Variants in NLRP5 observed in about 807,000 individuals in gnomAD.
The protein encoded by NLRP5 is NACHT, LRR and PYD domains-containing protein 5.
NLRP5 carries 93 observed loss-of-function variants against 113.1 expected under a neutral mutation model. The observed-to-expected ratio is 0.82, with a 90% CI of 0.70 to 0.98. The LOEUF (loss-of-function observed/expected upper bound fraction) is 0.98, where lower values mean the gene tolerates loss of function less well. NLRP5 is among the 50% of genes least tolerant of loss of function. NLRP5 has a pLI of 0.00. For synonymous variants in NLRP5, 751 were observed against 600.7 expected (o/e 1.25, Z -3.66); for missense variants, 1,808 against 1,514.3 (o/e 1.19, Z -3.22).
chr19:55,994,255 T>C, the NLRP5 span, among the ~76,000 whole-genome samples: 71 of 152,368 alleles, frequency 4.7e-4, no homozygotes, highest in African/African-American at 1.7e-3. Context: ...TGGATGTCTT[T>C]TGAGAAATGT....
chr19:56,009,088 C>T (rs919736108), intron 3 of NLRP5, among the ~76,000 whole-genome samples: 5 of 151,964 alleles, frequency 3.3e-5, no homozygotes, highest in Non-Finnish European at 7.4e-5. Context: ...CCTGTAATCC[C>T]AGTACTTTGG....
At chr19:56,057,536 A>C (rs8109245) in intron 13 of NLRP5, among the ~76,000 whole-genome samples, 20,973 of 152,020 alleles carry the variant, frequency 0.14, 1,625 homozygotes, top group East Asian at 0.31. Context: ...GCATATGTCA[A>C]TATGTCCTTC....
intron 6 of NLRP5, among the ~76,000 whole-genome samples, chr19:56,024,424 TATATACACATATAC>T (rs1982744261): frequency 7.1e-6 from 1 of 141,838 alleles, no homozygotes; most frequent in Admixed American, 7.0e-5. Context: ...ATATATGTTA[TATATACACATATAC>T]ATATATTTAT....
intron 4 of NLRP5, 80 bp downstream of exon 4, chr19:56,015,878 G>T (rs1284175260): frequency 2.8e-6 from 3 of 1,066,520 alleles, no homozygotes; most frequent in African/African-American, 1.6e-5. Context: ...TCAAAGGACG[G>T]GGAAATCCAC....
intron 3 of NLRP5, among the ~76,000 whole-genome samples, chr19:56,010,144 C>G (rs577721268): frequency 8.5e-5 from 13 of 152,176 alleles, no homozygotes; most frequent in African/African-American, 2.2e-4. Context: ...CTCCTGGACA[C>G]GAGAACTACC....
intron 12 of NLRP5, among the ~76,000 whole-genome samples, 192 bp from the exon 13 acceptor site, chr19:56,053,444 CTT>C (rs898996393): frequency 6.6e-6 from 1 of 152,174 alleles, no homozygotes; most frequent in Non-Finnish European, 1.5e-5. Flanking sequence ...ACACCAGACA[CTT>C]TCCCCGCCTC....
At chr19:56,024,663 C>T (rs1427678587) in intron 6 of NLRP5, among the ~76,000 whole-genome samples, 1 of 151,324 alleles carries the variant, frequency 6.6e-6, no homozygotes, top group Non-Finnish European at 1.5e-5. Context: ...GAGGCTGAGG[C>T]AGGAGCATTG....
upstream of NLRP5, among the ~76,000 whole-genome samples, chr19:55,998,684 A>ATGTGTG (rs1203915046): frequency 3.7e-5 from 3 of 82,022 alleles, no homozygotes; most frequent in African/African-American, 2.6e-4. Context: ...ATATATATAT[A>ATGTGTG]TATATATATA....
At position 56,057,923 on chromosome 19, in the gene NLRP5, A is replaced by AG. The variant is rs1984214992; in HGVS notation, c.3300-315dup. ...GTGCCCATAATCCCAGCTACTCCGG[A>AG]GGCTAAGGCAGGAGTATCGCTTGAA... On this transcript the variant is annotated intron_variant, in intron 13 of 14. Coordinates refer to ENST00000390649, the MANE Select transcript of NLRP5 (RefSeq NM_153447.4). Among the ~76,000 whole-genome samples the AG allele has an allele frequency of 2.6e-5, 4 of 151,376 alleles. No homozygotes were observed. The South Asian group carries it at 8.3e-4, about 32-fold the overall frequency.
chr19:55,989,216 AATG>A, the NLRP5 span, among the ~76,000 whole-genome samples: 1 of 152,084 alleles, frequency 6.6e-6, no homozygotes, highest in Non-Finnish European at 1.5e-5. Flanking sequence ...CTTCTACTAA[AATG>A]ATTTTTTAAT....
intron 3 of NLRP5, among the ~76,000 whole-genome samples, chr19:56,013,028 G>GAA (rs1191698028): frequency 6.6e-6 from 1 of 151,934 alleles, no homozygotes; most frequent in Non-Finnish European, 1.5e-5. Flanking sequence ...CATCACCCCA[G>GAA]AAAACCACAT....
At chr19:56,005,144 TATATACACACAC>T (rs1981816013) in intron 2 of NLRP5, among the ~76,000 whole-genome samples, 1 of 143,208 alleles carries the variant, frequency 7.0e-6, no homozygotes, top group Admixed American at 7.2e-5. Flanking sequence ...CACACACACA[TATATACACACAC>T]ATATACACAT....
chr19:56,014,169 GTGT>G (rs1219394538), intron 3 of NLRP5, among the ~76,000 whole-genome samples: 1 of 151,926 alleles, frequency 6.6e-6, no homozygotes, highest in Non-Finnish European at 1.5e-5. Flanking sequence ...TGTGCTTTTG[GTGT>G]TATATCTTTA....
Position 56,033,525 on chromosome 19 carries a change from C to T in NLRP5, c.2448-17C>T, listed in dbSNP as rs1230342852. The T allele has an allele frequency of 9.4e-6, 15 of 1,600,150 alleles. No individual in the cohort carries two copies. The highest frequency in any genetic ancestry group is 1.3e-5 in the Non-Finnish European group (15 of 1,170,802). On this transcript the variant is annotated splice_polypyrimidine_tract_variant and intron_variant, in intron 8 of 14. Transcript: ENST00000390649. ...AACATCACCAGTGTCGAATGTGTCT[C>T]CCCTTCCCCATTGCAGGTTTAGAAA...
intron 9 of NLRP5, among the ~76,000 whole-genome samples, chr19:56,037,796 A>G (rs1983374379): frequency 6.6e-6 from 1 of 152,014 alleles, no homozygotes; most frequent in Non-Finnish European, 1.5e-5. Context: ...GGCTTACCCG[A>G]AAGGCGACCT....
intron 4 of NLRP5, 181 bp from the exon 5 acceptor site, chr19:56,019,161 C>G: frequency 1.5e-6 from 1 of 662,940 alleles, no homozygotes; most frequent in South Asian, 2.0e-5. Context: ...CCCTCACCCT[C>G]AAGCTTTGAA....
intron 9 of NLRP5, among the ~76,000 whole-genome samples, chr19:56,036,829 C>T (rs748027392): frequency 1.3e-5 from 2 of 152,222 alleles, no homozygotes; most frequent in Non-Finnish European, 2.9e-5. Context: ...TGATGGCATG[C>T]ACCTGTAATC....
intron 11 of NLRP5, among the ~76,000 whole-genome samples, chr19:56,047,258 T>A (rs1983762547): frequency 6.6e-6 from 1 of 152,190 alleles, no homozygotes; most frequent in African/African-American, 2.4e-5. Flanking sequence ...TGATCTTGGT[T>A]ATTTCCTTTC....
At chr19:56,031,411 T>C (rs1445701372) in intron 7 of NLRP5, among the ~76,000 whole-genome samples, 3 of 151,756 alleles carry the variant, frequency 2.0e-5, no homozygotes, top group Non-Finnish European at 4.4e-5. Flanking sequence ...GGTGGATCAC[T>C]TGAGGTCAGG....
Sources: gnomAD v4.1 joint callset for allele counts (sites outside exome capture counted in the v4.1 genomes callset) on GRCh38, gnomAD v4.1.1 for gene constraint, MANE v1.5 for transcripts, NCBI Gene and HGNC (gene_info 2026-07-23, HGNC 2026-07-21) for gene names.